Variants in IRAG1 observed in about 807,000 individuals in gnomAD.
IRAG1 encodes IP3R-associated cGMP kinase substrate.
Under a neutral mutation model 106.2 loss-of-function variants are expected in IRAG1, and 62 were observed. That is an observed-to-expected ratio of 0.58 (90% CI 0.48 to 0.72). The LOEUF (loss-of-function observed/expected upper bound fraction) is 0.72, where lower values mean the gene tolerates loss of function less well. Ranked by LOEUF, IRAG1 falls within the 30% of genes least tolerant of loss-of-function variation. IRAG1 has a pLI of 0.00. For missense variants in IRAG1, 1,064 were observed against 1,140.7 expected, an observed-to-expected ratio of 0.93 and a Z score of 0.97; for synonymous variants, 462 against 443.9, an observed-to-expected ratio of 1.04 and a Z score of -0.51.
chr11:10,661,157 G>A (rs1859367894), intron 1 of IRAG1, among the ~76,000 whole-genome samples: 1 of 152,056 alleles, frequency 6.6e-6, no homozygotes, highest in Admixed American at 6.6e-5. Context: ...TTCAACCTTT[G>A]TACACCTTAT....
At chr11:10,653,856 G>A (rs1858720574) in intron 1 of IRAG1, among the ~76,000 whole-genome samples, 1 of 152,030 alleles carries the variant, frequency 6.6e-6, no homozygotes, top group Non-Finnish European at 1.5e-5. Flanking sequence ...TAGTGGGGTG[G>A]GCAATACCTT....
At chr11:10,683,969 A>G (rs1251271895) in intron 1 of IRAG1, among the ~76,000 whole-genome samples, 1 of 152,162 alleles carries the variant, frequency 6.6e-6, no homozygotes, top group Non-Finnish European at 1.5e-5. Flanking sequence ...ATGTTTTATA[A>G]AGTAACGCAT....
intron 1 of IRAG1, among the ~76,000 whole-genome samples, chr11:10,655,844 A>G (rs1405686148): frequency 6.6e-6 from 1 of 152,206 alleles, no homozygotes; most frequent in African/African-American, 2.4e-5. Context: ...CAAATGAGTT[A>G]AGTCAGATGT....
In IRAG1 at chr11:10,574,989, T is replaced by C. The variant is rs1174215898; in HGVS notation, c.*1343A>G. The C allele has an allele frequency of 2.6e-5, 4 of 152,210 alleles. No individual in the cohort carries two copies. The allele number at this position is 152,210 out of a possible 1,614,324, so 9.4% of individuals were successfully genotyped here. Reference sequence around the variant, plus strand: ...CAGGACTTAAATGAATTCATACCTATGTAATACTGAGAACAGTGCTTGGCT... The same window carrying C: ...CAGGACTTAAATGAATTCATACCTACGTAATACTGAGAACAGTGCTTGGCT... On this transcript the variant is annotated 3_prime_UTR_variant, in exon 21 of 21. Transcript: ENST00000423302.
intron 1 of IRAG1, among the ~76,000 whole-genome samples, chr11:10,679,125 C>T (rs1860935396): frequency 1.3e-5 from 2 of 152,332 alleles, no homozygotes; most frequent in South Asian, 4.1e-4. Flanking sequence ...AGCTTCCAAT[C>T]TTAGTGTCCT....
At chr11:10,622,770 A>C (rs1855927347) in intron 10 of IRAG1, among the ~76,000 whole-genome samples, 1 of 151,888 alleles carries the variant, frequency 6.6e-6, no homozygotes, top group African/African-American at 2.4e-5. Flanking sequence ...AAGTGCTGGG[A>C]TTACAGGTTC....
chr11:10,615,611 G>T (rs1037576813), intron 10 of IRAG1, among the ~76,000 whole-genome samples: 18 of 152,110 alleles, frequency 1.2e-4, no homozygotes, highest in African/African-American at 4.3e-4. Context: ...CATAAAAAAG[G>T]ATGAGTTCAT....
At chr11:10,640,999 A>C (rs923864172) in intron 2 of IRAG1, among the ~76,000 whole-genome samples, 4 of 152,146 alleles carry the variant, frequency 2.6e-5, no homozygotes, top group Non-Finnish European at 5.9e-5. Context: ...TACAACAGAT[A>C]ATTTTTAGTA....
intron 20 of IRAG1, among the ~76,000 whole-genome samples, chr11:10,576,997 A>G (rs1850885893): frequency 6.6e-6 from 1 of 152,220 alleles, no homozygotes; most frequent in Non-Finnish European, 1.5e-5. Context: ...TGCATTAATG[A>G]TCAGTTCCAA....
chr11:10,589,470 A>G (rs1430798503), intron 18 of IRAG1, among the ~76,000 whole-genome samples: 1 of 152,100 alleles, frequency 6.6e-6, no homozygotes, highest in African/African-American at 2.4e-5. Context: ...GGGTTTCACC[A>G]TCTTGGCCAG....
chr11:10,670,735 C>T (rs1424009860), intron 1 of IRAG1, among the ~76,000 whole-genome samples: 1 of 152,186 alleles, frequency 6.6e-6, no homozygotes, highest in Non-Finnish European at 1.5e-5. Flanking sequence ...CTAATCCAAT[C>T]TGACTGGTGT....
chr11:10,621,323 A>C lies in IRAG1; in HGVS notation c.1447+2455T>G, dbSNP rs3923576. 5.4e-3 allele frequency among the ~76,000 whole-genome samples: 823 copies of C among 152,276 alleles called. 10 individuals are homozygous for C. In the East Asian group the frequency reaches 0.061, roughly 11 times the overall value. On this transcript the variant is annotated intron_variant, in intron 10 of 20. Coordinates refer to ENST00000423302, the MANE Select transcript of IRAG1 (RefSeq NM_130385.4). Reference sequence around the variant, plus strand: ...ACAGTTCAGACCAGGGGCTTCCACCATTGTTAGTGACATCCTGGACACATT... The same window carrying C: ...ACAGTTCAGACCAGGGGCTTCCACCCTTGTTAGTGACATCCTGGACACATT...
chr11:10,693,256 A>G (rs1488036406), intron 1 of IRAG1, among the ~76,000 whole-genome samples: 1 of 152,206 alleles, frequency 6.6e-6, no homozygotes, highest in Non-Finnish European at 1.5e-5. Context: ...ATCGCCTGTC[A>G]GGACCCACAT....
At chr11:10,649,631 G>A (rs116571106) in intron 2 of IRAG1, among the ~76,000 whole-genome samples, 34 of 152,212 alleles carry the variant, frequency 2.2e-4, no homozygotes, top group East Asian at 7.7e-4. Context: ...CTCGGCTCCC[G>A]GCTCCCCTGA....
intron 12 of IRAG1, 115 bp from the exon 13 acceptor site, chr11:10,604,660 G>T: frequency 8.0e-7 from 1 of 1,254,532 alleles, no homozygotes; most frequent in Non-Finnish European, 1.1e-6. Flanking sequence ...AGCCGCCAAA[G>T]CACCAAAGCA....
intron 2 of IRAG1, among the ~76,000 whole-genome samples, chr11:10,635,101 T>C (rs1326142407): frequency 1.3e-5 from 2 of 152,116 alleles, no homozygotes; most frequent in East Asian, 1.9e-4. Flanking sequence ...TGGGGAAGAA[T>C]GATGGCCTGG....
chr11:10,626,508 G>C lies in IRAG1; in HGVS notation c.826C>G (p.Pro276Ala). 1 of 1,613,566 alleles carries C rather than the reference G, an allele frequency of 6.2e-7. No homozygotes were observed. The highest frequency in any genetic ancestry group is 8.5e-7 in the Non-Finnish European group (1 of 1,179,692). The change falls in exon 9 of 21, where the codon CCT (proline) becomes GCT (alanine). Residue 276 changes from proline (P) to alanine (A), a missense_variant. By Grantham distance (27) the Pro-to-Ala change is conservative (BLOSUM62 -1). Transcript: ENST00000423302. Reference sequence around the variant, plus strand: ...TCTTTGGACTTCTCAACTGGAGGAGGACGAGGAGCCAGCCTGCCCTGAGAC... The same window carrying C: ...TCTTTGGACTTCTCAACTGGAGGAGCACGAGGAGCCAGCCTGCCCTGAGAC... ...KVSQGRLAPR[P>A]PPVEKSKEIA...
intron 10 of IRAG1, among the ~76,000 whole-genome samples, chr11:10,610,662 T>C (rs1272922144): frequency 6.6e-6 from 1 of 152,188 alleles, no homozygotes; most frequent in East Asian, 1.9e-4. Flanking sequence ...TTTGTTGCTG[T>C]TACAGAGGCC....
At chr11:10,579,300 C>A (rs1254840810) in intron 20 of IRAG1, among the ~76,000 whole-genome samples, 1 of 152,156 alleles carries the variant, frequency 6.6e-6, no homozygotes, top group African/African-American at 2.4e-5. Context: ...ATCTTCACTT[C>A]ATTACCTATT....
Sources: gnomAD v4.1 joint callset for allele counts (sites outside exome capture counted in the v4.1 genomes callset) on GRCh38, gnomAD v4.1.1 for gene constraint, MANE v1.5 for transcripts, NCBI Gene and HGNC (gene_info 2026-07-23, HGNC 2026-07-21) for gene names.